The following HTT-AS variants were observed in gnomAD, a reference collection of about 807,000 sequenced individuals.
The protein encoded by HTT-AS is HTT antisense RNA (head to head).
chr4:3,071,563 G>C (rs1300901755), intron 1 of HTT-AS, among the ~76,000 whole-genome samples: 1 of 152,122 alleles, frequency 6.6e-6, no homozygotes, highest in Non-Finnish European at 1.5e-5. Flanking sequence ...TAGATAAAAA[G>C]GTCTCTAAAG....
chr4:3,065,663 G>C (rs1712034024), intron 1 of HTT-AS, among the ~76,000 whole-genome samples: 1 of 152,202 alleles, frequency 6.6e-6, no homozygotes, highest in South Asian at 2.1e-4. Context: ...AGCCCAGCCT[G>C]CCTTAGCTAT....
At chr4:3,056,413 C>T (rs1376410004) in intron 2 of HTT-AS, among the ~76,000 whole-genome samples, 1 of 152,202 alleles carries the variant, frequency 6.6e-6, no homozygotes, top group African/African-American at 2.4e-5. Flanking sequence ...TTTGAACTCT[C>T]AGCAGTGTAT....
intron 2 of HTT-AS, among the ~76,000 whole-genome samples, chr4:3,050,949 G>C (rs935371622): frequency 2.0e-5 from 3 of 150,938 alleles, no homozygotes; most frequent in Admixed American, 6.6e-5. Context: ...ATATATTAAA[G>C]GTTTAAAACA....
chr4:3,071,984 C>G lies in HTT-AS; in HGVS notation n.113+2442G>C, dbSNP rs566454325. 3.3e-5 allele frequency among the ~76,000 whole-genome samples: 5 copies of G among 152,352 alleles called. No individual in the cohort carries two copies. In the East Asian group the frequency reaches 7.7e-4, roughly 23 times the overall value. On this transcript the variant is annotated intron_variant and non_coding_transcript_variant, in intron 1 of 2. Transcript: ENST00000664062. Reference sequence around the variant, plus strand: ...TTATGGCAGCCCAAGTAAACAAATACAGTCATCTGCTGCTGGAACAAATCA... The same window carrying G: ...TTATGGCAGCCCAAGTAAACAAATAGAGTCATCTGCTGCTGGAACAAATCA...
intron 2 of HTT-AS, among the ~76,000 whole-genome samples, chr4:3,058,833 C>G (rs1711858504): frequency 6.6e-6 from 1 of 151,952 alleles, no homozygotes; most frequent in South Asian, 2.1e-4. Flanking sequence ...GATTCTCTTG[C>G]CTCAGCCTCC....
exon 2 of HTT-AS, among the ~76,000 whole-genome samples, chr4:3,063,272 C>A (rs1711979309): frequency 6.6e-6 from 1 of 152,196 alleles, no homozygotes; most frequent in Non-Finnish European, 1.5e-5. Flanking sequence ...GAGTTGGGAG[C>A]AGCAAGACAG....
At chr4:3,064,625 C>T (rs1712008535) in intron 1 of HTT-AS, among the ~76,000 whole-genome samples, 1 of 151,896 alleles carries the variant, frequency 6.6e-6, no homozygotes, top group Non-Finnish European at 1.5e-5. Context: ...AAATAGAAGC[C>T]TAAATAGGAT....
At chr4:3,063,104 C>G (rs933371786) in exon 2 of HTT-AS, among the ~76,000 whole-genome samples, 5 of 152,146 alleles carry the variant, frequency 3.3e-5, no homozygotes, top group Non-Finnish European at 7.3e-5. Flanking sequence ...TACACGATCC[C>G]TGTAAGGGTC....
At chr4:3,061,506 C>T (rs751391908) in intron 2 of HTT-AS, among the ~76,000 whole-genome samples, 10 of 151,834 alleles carry the variant, frequency 6.6e-5, no homozygotes, top group Non-Finnish European at 1.2e-4. Flanking sequence ...CATGGTGAAA[C>T]CCTGTCTCTA....
chr4:3,073,976 A>C (rs868433409), intron 1 of HTT-AS, among the ~76,000 whole-genome samples: 2 of 151,450 alleles, frequency 1.3e-5, no homozygotes, highest in Non-Finnish European at 2.9e-5. Context: ...TCCTTTCCGC[A>C]TGGGCCTGCG....
intron 1 of HTT-AS, among the ~76,000 whole-genome samples, chr4:3,065,924 G>C (rs1360594685): frequency 1.3e-5 from 2 of 152,252 alleles, no homozygotes; most frequent in Non-Finnish European, 2.9e-5. Flanking sequence ...ACCAGCCTAA[G>C]TTTGGGACCA....
rs1195522411 is a variant in HTT-AS at position 3,069,308 on chromosome 4, GCT to G, written n.113+5116_113+5117del. Among the ~76,000 whole-genome samples the G allele has an allele frequency of 1.7e-3, 252 of 144,758 alleles. 2 individuals are homozygous for G. Among genetic ancestry groups the G allele is most frequent in the Admixed American group, 3.1e-3 (46 of 14,726 alleles). 95.0% of individuals were successfully genotyped at this position (144,758 alleles called of 152,430 possible). On this transcript the variant is annotated intron_variant and non_coding_transcript_variant, in intron 1 of 2. Transcript: ENST00000664062. ...TCACAGGCACCTGCCACCACACCTGGCTAATTTTTTTTTTTTTTTAAATATTT... is the reference window on the plus strand; with the variant it reads ...TCACAGGCACCTGCCACCACACCTGGAATTTTTTTTTTTTTTTAAATATTT...
intron 2 of HTT-AS, among the ~76,000 whole-genome samples, chr4:3,052,029 C>T (rs1200684496): frequency 6.6e-6 from 1 of 152,188 alleles, no homozygotes; most frequent in Non-Finnish European, 1.5e-5. Context: ...GCTCTACAAT[C>T]TATCTTGAGT....
intron 1 of HTT-AS, chr4:3,074,350 CCCTT>C (rs1263255753): frequency 7.0e-6 from 1 of 143,746 alleles, no homozygotes; most frequent in Non-Finnish European, 1.5e-5. Context: ...CGCCACGCCT[CCCTT>C]ACCATGCAGT....
At chr4:3,065,191 G>A (rs917861882) in intron 1 of HTT-AS, among the ~76,000 whole-genome samples, 5 of 151,970 alleles carry the variant, frequency 3.3e-5, no homozygotes, top group South Asian at 2.1e-4. Context: ...AAGGGCACAC[G>A]CTGGAGGGAA....
In HTT-AS at chr4:3,073,522, C is replaced by G. The variant is rs192838728; in HGVS notation, n.113+904G>C. On this transcript the variant is annotated intron_variant and non_coding_transcript_variant, in intron 1 of 2. Coordinates refer to ENST00000664062, the Ensembl canonical transcript of HTT-AS. ...CTCCCATAAAGAAACGCCCCCAGGTCGGGACTCATTCCTGTGGGCGGCATC... is the reference window on the plus strand; with the variant it reads ...CTCCCATAAAGAAACGCCCCCAGGTGGGGACTCATTCCTGTGGGCGGCATC... Among the ~76,000 whole-genome samples, 345 of 152,346 alleles carry G rather than the reference C, an allele frequency of 2.3e-3. 3 individuals are homozygous for G. The highest frequency in any genetic ancestry group is 8.0e-3 in the African/African-American group (334 of 41,586).
intron 2 of HTT-AS, among the ~76,000 whole-genome samples, chr4:3,051,934 G>C (rs1711711698): frequency 6.6e-6 from 1 of 152,066 alleles, no homozygotes; most frequent in Non-Finnish European, 1.5e-5. Context: ...TTAAGTCTTT[G>C]GGAGTTTGAC....
chr4:3,064,951 G>T (rs911541944), intron 1 of HTT-AS, among the ~76,000 whole-genome samples: 1 of 152,154 alleles, frequency 6.6e-6, no homozygotes, highest in African/African-American at 2.4e-5. Context: ...ACATAGTGGG[G>T]TTTATTTCAA....
exon 2 of HTT-AS, among the ~76,000 whole-genome samples, chr4:3,062,677 C>T (rs1370597080): frequency 6.6e-6 from 1 of 151,906 alleles, no homozygotes; most frequent in East Asian, 1.9e-4. Flanking sequence ...TTCATCACCA[C>T]TGTGCACTGC....
Sources: allele counts gnomAD v4.1 joint callset (sites outside exome capture counted in the v4.1 genomes callset), GRCh38; gene constraint gnomAD v4.1.1; transcripts MANE v1.5; gene names NCBI Gene and HGNC (gene_info 2026-07-23, HGNC 2026-07-21).